The following RIF1 variants were observed in gnomAD, a reference collection of about 807,000 sequenced individuals.
The protein encoded by RIF1 is replication timing regulatory factor 1.
A neutral mutation model predicts 247.1 loss-of-function variants in RIF1; 45 were observed. The observed-to-expected ratio is 0.18, with a 90% CI of 0.14 to 0.23. The LOEUF is 0.23. RIF1 is among the 10% of genes least tolerant of loss of function. RIF1 has a pLI of 1.00. For missense variants in RIF1, 2,967 were observed against 2,862.5 expected, an observed-to-expected ratio of 1.04 and a Z score of -0.83; for synonymous variants, 1,087 against 978.8, an observed-to-expected ratio of 1.11 and a Z score of -2.06.
intron 9 of RIF1, among the ~76,000 whole-genome samples, chr2:151,494,451 C>T (rs945753793): frequency 2.0e-5 from 3 of 152,118 alleles, no homozygotes; most frequent in Non-Finnish European, 4.4e-5. Context: ...GGCACCTGCC[C>T]TGAAACCCTT....
intron 18 of RIF1, among the ~76,000 whole-genome samples, chr2:151,444,646 A>C (rs1692937513): frequency 6.6e-6 from 1 of 152,206 alleles, no homozygotes; most frequent in Non-Finnish European, 1.5e-5. Context: ...TCAAGCTAGC[A>C]CACTATTCTT....
chr2:151,439,972 CAAAAAAAAAAA>C (rs1165450117), intron 14 of RIF1, 44 bp from the exon 15 acceptor site: 16 of 276,674 alleles, frequency 5.8e-5, no homozygotes, highest in Admixed American at 2.5e-4. Context: ...GACCCTGTCT[CAAAAAAAAAAA>C]AAAAAAAAAA....
chr2:151,529,432 A>G, the RIF1 span: 1 of 702,686 alleles, frequency 1.4e-6, no homozygotes, highest in Non-Finnish European at 2.5e-6. Context: ...TTAAGACGGA[A>G]TTTTAAAAAT....
chr2:151,417,004 G>C, intron 6 of RIF1, 103 bp downstream of exon 6: 2 of 790,772 alleles, frequency 2.5e-6, no homozygotes, highest in Non-Finnish European at 2.0e-6. Flanking sequence ...TAAAAGGGGG[G>C]AATGTCATTT....
downstream of RIF1, among the ~76,000 whole-genome samples, chr2:151,482,687 G>A (rs1344025572): frequency 6.6e-6 from 1 of 152,190 alleles, no homozygotes; most frequent in Non-Finnish European, 1.5e-5. Flanking sequence ...ACAACAATTA[G>A]GGTAAACAGT....
downstream of RIF1, among the ~76,000 whole-genome samples, chr2:151,483,544 T>C (rs931982598): frequency 6.6e-6 from 1 of 152,184 alleles, no homozygotes; most frequent in Admixed American, 6.5e-5. Context: ...TACTTTTATA[T>C]ATACAGTCAT....
At chr2:151,448,856 T>C (rs1262349444) in intron 20 of RIF1, among the ~76,000 whole-genome samples, 1 of 152,210 alleles carries the variant, frequency 6.6e-6, no homozygotes, top group Non-Finnish European at 1.5e-5. Context: ...CGGAAGAAGG[T>C]TGACCCTCAG....
chr2:151,448,823 A>G (rs1426452766), intron 20 of RIF1, among the ~76,000 whole-genome samples: 1 of 152,202 alleles, frequency 6.6e-6, no homozygotes, highest in Non-Finnish European at 1.5e-5. Context: ...TGAATAAACA[A>G]TGTGCAGGTT....
intron 20 of RIF1, among the ~76,000 whole-genome samples, chr2:151,447,745 A>C (rs925276430): frequency 6.6e-6 from 1 of 152,000 alleles, no homozygotes; most frequent in Non-Finnish European, 1.5e-5. Context: ...GGGTTTCACC[A>C]TGTTGGCCAG....
intron 27 of RIF1, among the ~76,000 whole-genome samples, chr2:151,462,028 C>A (rs1696261481): frequency 6.6e-6 from 1 of 152,142 alleles, no homozygotes; most frequent in African/African-American, 2.4e-5. Flanking sequence ...TGCACGCCAC[C>A]ATGCCCAGCT....
At chr2:151,455,190 TA>T (rs1483334049) in intron 22 of RIF1, 31 bp downstream of exon 22, 16 of 1,522,602 alleles carry the variant, frequency 1.1e-5, no homozygotes, top group Non-Finnish European at 1.4e-5. Flanking sequence ...AGCTTTGAAT[TA>T]AATGTATACA....
intron 7 of RIF1, 94 bp downstream of exon 7, chr2:151,420,473 T>C: frequency 3.3e-6 from 4 of 1,223,642 alleles, no homozygotes; most frequent in Non-Finnish European, 4.6e-6. Flanking sequence ...GTACGGTGGC[T>C]CTCACCTGTA....
chr2:151,468,275 G>T (rs2444274), intron 31 of RIF1, 129 bp downstream of exon 31: 1 of 967,712 alleles, frequency 1.0e-6, no homozygotes, highest in South Asian at 1.7e-5. Context: ...CTTTTGTCTG[G>T]TACACGGTAA....
intron 8 of RIF1, among the ~76,000 whole-genome samples, chr2:151,428,382 TTTA>T (rs912846867): frequency 1.3e-5 from 2 of 152,220 alleles, no homozygotes; most frequent in African/African-American, 2.4e-5. Flanking sequence ...AAAGGTTATT[TTTA>T]TTATTTTCAG....
chr2:151,522,845 G>A, the RIF1 span, among the ~76,000 whole-genome samples: 9 of 152,166 alleles, frequency 5.9e-5, no homozygotes, highest in East Asian at 5.8e-4. Context: ...CCTAGAGTAC[G>A]CAGCAAGACA....
intron 9 of RIF1, among the ~76,000 whole-genome samples, chr2:151,489,723 A>G (rs959875834): frequency 6.6e-6 from 1 of 152,180 alleles, no homozygotes; most frequent in South Asian, 2.1e-4. Context: ...GGTGAGACCA[A>G]TGAGCCAAAA....
intron 10 of RIF1, 129 bp downstream of exon 10, chr2:151,433,357 A>T (rs1014886048): frequency 3.6e-6 from 2 of 553,906 alleles, no homozygotes; most frequent in Non-Finnish European, 5.9e-6. Context: ...AAGGTCTTTC[A>T]CTTTACTGGC....
At chr2:151,512,904 G>T, downstream of RIF1, 1 of 1,043,166 alleles carries the variant, frequency 9.6e-7, no homozygotes, top group South Asian at 1.4e-5. Context: ...GGCTTGATTT[G>T]ATTAAGAGGT....
chr2:151,468,600 C>T, intron 32 of RIF1, 41 bp from the exon 33 acceptor site: 1 of 1,600,714 alleles, frequency 6.2e-7, no homozygotes, highest in Non-Finnish European at 8.6e-7. Context: ...CATGTTCAGT[C>T]AGTTGACCTC....
Sources: allele counts gnomAD v4.1 joint callset (sites outside exome capture counted in the v4.1 genomes callset), GRCh38; gene constraint gnomAD v4.1.1; transcripts MANE v1.5; gene names NCBI Gene and HGNC (gene_info 2026-07-23, HGNC 2026-07-21).